Variants in NBAS observed in about 807,000 individuals in gnomAD.
NBAS encodes the protein NAG/BC035112 fusion.
In NBAS, 219 loss-of-function variants were observed where a neutral mutation model predicts 302.5. The observed-to-expected ratio is 0.72, with a 90% CI of 0.65 to 0.81. The LOEUF is 0.81. Among genes scored for constraint, NBAS ranks in the 30% least tolerant of loss-of-function variants. The pLI is 0.00. For missense variants in NBAS, 2,932 were observed against 2,841.6 expected (o/e 1.03, Z -0.72); for synonymous variants, 1,118 against 1,021.6 (o/e 1.09, Z -1.80).
intron 28 of NBAS, among the ~76,000 whole-genome samples, chr2:15,384,849 T>C (rs1363643118): frequency 6.6e-6 from 1 of 152,216 alleles, no homozygotes; most frequent in Admixed American, 6.5e-5. Context: ...CATGCATCTT[T>C]TTATTTTTTA....
chr2:15,520,127 C>G (rs1243045212), intron 9 of NBAS, among the ~76,000 whole-genome samples: 1 of 152,060 alleles, frequency 6.6e-6, no homozygotes, highest in Non-Finnish European at 1.5e-5. Context: ...AAAGGCCAGG[C>G]ACAGTGACTT....
intron 9 of NBAS, among the ~76,000 whole-genome samples, chr2:15,524,776 T>G (rs1229889350): frequency 1.3e-5 from 2 of 151,944 alleles, no homozygotes; most frequent in Admixed American, 6.5e-5. Flanking sequence ...ATCAAGCCTT[T>G]GAGGGTAGGA....
intron 44 of NBAS, among the ~76,000 whole-genome samples, chr2:15,273,016 G>C (rs1365729912): frequency 1.3e-5 from 2 of 152,180 alleles, no homozygotes; most frequent in Non-Finnish European, 2.9e-5. Flanking sequence ...AAAGATTGCT[G>C]TTGCCAAGTC....
At chr2:15,057,532 A>C in the NBAS span, among the ~76,000 whole-genome samples, 10 of 152,120 alleles carry the variant, frequency 6.6e-5, no homozygotes, top group African/African-American at 2.4e-4. Context: ...CCATCACCTG[A>C]GCAGTAGCCA....
At chr2:15,500,030 T>C (rs1481373032) in intron 11 of NBAS, among the ~76,000 whole-genome samples, 15 of 152,334 alleles carry the variant, frequency 9.8e-5, no homozygotes, top group African/African-American at 3.6e-4. Flanking sequence ...CTGGCAGCAA[T>C]ATTTGGAGAA....
the NBAS span, among the ~76,000 whole-genome samples, chr2:15,102,490 T>G: frequency 6.6e-6 from 1 of 152,226 alleles, no homozygotes; most frequent in Non-Finnish European, 1.5e-5. Context: ...CTGGGTACTT[T>G]CTACCTGACA....
At chr2:15,266,815 ACT>A in intron 44 of NBAS, among the ~76,000 whole-genome samples, 1 of 152,204 alleles carries the variant, frequency 6.6e-6, no homozygotes, top group East Asian at 1.9e-4. Context: ...CTCTTTATGC[ACT>A]GAGAATTCCC....
intron 28 of NBAS, among the ~76,000 whole-genome samples, chr2:15,388,484 C>T (rs1675423481): frequency 6.6e-6 from 1 of 152,010 alleles, no homozygotes; most frequent in Non-Finnish European, 1.5e-5. Flanking sequence ...AAATCAGTAT[C>T]AGGTATTTGT....
At chr2:14,795,902 A>C in the NBAS span, among the ~76,000 whole-genome samples, 1 of 152,334 alleles carries the variant, frequency 6.6e-6, no homozygotes, top group Non-Finnish European at 1.5e-5. Flanking sequence ...CCACTGGCCT[A>C]ACTCGAAGTC....
intron 23 of NBAS, among the ~76,000 whole-genome samples, chr2:15,419,566 C>T (rs932432296): frequency 5.3e-5 from 8 of 152,110 alleles, no homozygotes; most frequent in South Asian, 2.1e-4. Context: ...GGACTAAAGG[C>T]GCATGCCACC....
chr2:15,159,964 G>A, the NBAS span, among the ~76,000 whole-genome samples: 3 of 152,138 alleles, frequency 2.0e-5, no homozygotes, highest in Non-Finnish European at 2.9e-5. Flanking sequence ...TGCTCTGTAA[G>A]ATGCATTTCA....
the NBAS span, among the ~76,000 whole-genome samples, chr2:15,070,201 G>T: frequency 2.0e-5 from 3 of 152,112 alleles, no homozygotes; most frequent in Non-Finnish European, 4.4e-5. Context: ...CTACAGTAAG[G>T]CTCTCTGGCC....
At chr2:15,270,061 C>T (rs528036749) in intron 44 of NBAS, among the ~76,000 whole-genome samples, 7 of 152,276 alleles carry the variant, frequency 4.6e-5, no homozygotes, top group African/African-American at 1.7e-4. Flanking sequence ...TAACACAGTG[C>T]TGTTTTTCAA....
At chr2:15,141,486 C>G in the NBAS span, among the ~76,000 whole-genome samples, 7 of 152,166 alleles carry the variant, frequency 4.6e-5, no homozygotes, top group Non-Finnish European at 8.8e-5. Flanking sequence ...GCCCTTTTCT[C>G]TTGATCTGTT....
chr2:15,357,567 G>A (rs921297522), intron 32 of NBAS, among the ~76,000 whole-genome samples: 4 of 152,222 alleles, frequency 2.6e-5, no homozygotes, highest in African/African-American at 9.6e-5. Context: ...CAAAACCTAT[G>A]TTGCCCAGGC....
intron 2 of NBAS, among the ~76,000 whole-genome samples, chr2:15,558,025 T>C (rs911356109): frequency 3.3e-5 from 5 of 152,222 alleles, no homozygotes; most frequent in Non-Finnish European, 5.9e-5. Flanking sequence ...CAACATCCAC[T>C]GACTTTCTGA....
At chr2:15,454,966 G>C (rs535453614) in intron 21 of NBAS, among the ~76,000 whole-genome samples, 1 of 150,690 alleles carries the variant, frequency 6.6e-6, no homozygotes, top group African/African-American at 2.4e-5. Context: ...GCAGTGGCAC[G>C]ATCTAGGCTC....
intron 42 of NBAS, among the ~76,000 whole-genome samples, chr2:15,280,909 G>A (rs1669796308): frequency 6.6e-6 from 1 of 152,186 alleles, no homozygotes; most frequent in Non-Finnish European, 1.5e-5. Flanking sequence ...TGATGTAGCA[G>A]ACTTGATCTA....
chr2:15,082,085 T>C, the NBAS span, among the ~76,000 whole-genome samples: 14 of 152,176 alleles, frequency 9.2e-5, no homozygotes, highest in Non-Finnish European at 1.8e-4. Flanking sequence ...CAAAAATGTG[T>C]GTAAAAATGG....
Sources: gnomAD v4.1 joint callset for allele counts (sites outside exome capture counted in the v4.1 genomes callset) on GRCh38, gnomAD v4.1.1 for gene constraint, MANE v1.5 for transcripts, NCBI Gene and HGNC (gene_info 2026-07-23, HGNC 2026-07-21) for gene names.